EXOC1: variants seen among roughly 807,000 people sequenced by gnomAD.
The protein encoded by EXOC1 is SEC3-like 1.
EXOC1 carries 67 observed loss-of-function variants against 107.7 expected under a neutral mutation model. The observed-to-expected ratio is 0.62, with a 90% CI of 0.51 to 0.76. The LOEUF is 0.76. Among genes scored for constraint, EXOC1 ranks in the 30% least tolerant of loss-of-function variants. The pLI, the probability that EXOC1 is intolerant of heterozygous loss-of-function variation, is 0.00. For synonymous variants in EXOC1, 348 were observed against 353.5 expected, an observed-to-expected ratio of 0.98 and a Z score of 0.17; for missense variants, 833 against 1,055.7, an observed-to-expected ratio of 0.79 and a Z score of 2.92.
chr4:55,899,544 C>T (rs777855230), intron 16 of EXOC1, 141 bp from the exon 17 acceptor site: 5 of 663,632 alleles, frequency 7.5e-6, no homozygotes, highest in Non-Finnish European at 1.2e-5. Context: ...TGAAGACTCC[C>T]ATTACAATAT....
At position 55,870,628 on chromosome 4, in the gene EXOC1, TTTTGTTTG is replaced by T. The variant is rs34281712; in HGVS notation, c.604-26_604-19del. On this transcript the variant is annotated intron_variant, in intron 5 of 18. Transcript: ENST00000381295. ...TACACATCTAAATAACAAGTATGTTTTTTGTTTGTTTGTTTGTTTGTTTGTTTGTTTTG... is the reference window on the plus strand; with the variant it reads ...TACACATCTAAATAACAAGTATGTTTTTTGTTTGTTTGTTTGTTTGTTTTG... The T allele has an allele frequency of 2.4e-4, 311 of 1,318,362 alleles. 1 individual carries two copies. The highest frequency in any genetic ancestry group is 1.6e-3 in the East Asian group (67 of 42,634). The allele number at this position is 1,318,362 out of a possible 1,614,324, so 81.7% of individuals were successfully genotyped here.
Position 55,892,729 on chromosome 4 carries a change from T to C in EXOC1, c.1724+18T>C. On this transcript the variant is annotated intron_variant, in intron 14 of 18. Coordinates refer to ENST00000381295, the MANE Select transcript of EXOC1 (RefSeq NM_001024924.2). ...TCATCTGAGTATGTCTTTGTTACTATCATTGTTTATTTTGGAAAAAATAAA... is the reference window on the plus strand; with the variant it reads ...TCATCTGAGTATGTCTTTGTTACTACCATTGTTTATTTTGGAAAAAATAAA... The C allele has an allele frequency of 1.2e-6, 2 of 1,612,372 alleles. No homozygotes were observed. Among genetic ancestry groups the C allele is most frequent in the Non-Finnish European group, 8.5e-7 (1 of 1,178,488 alleles).
rs1726414963 is a variant in EXOC1 at position 55,904,691 on chromosome 4, A to G, written c.*196A>G. On this transcript the variant is annotated 3_prime_UTR_variant, in exon 19 of 19. Transcript: ENST00000381295. ...CCTATATAGCAGTTTTATTTGCCCT[A>G]TAGGTTGCATACTAACTTAAGCATT... 2 of 434,704 alleles carry G rather than the reference A, an allele frequency of 4.6e-6. No individual in the cohort carries two copies. The highest frequency in any genetic ancestry group is 2.0e-5 in the African/African-American group (1 of 49,134). The allele number at this position is 434,704 out of a possible 1,614,324, so 26.9% of individuals were successfully genotyped here.
intron 10 of EXOC1, among the ~76,000 whole-genome samples, chr4:55,886,213 A>G (rs1038025820): frequency 2.0e-5 from 3 of 152,138 alleles, no homozygotes; most frequent in African/African-American, 7.2e-5. Flanking sequence ...AGTGTGTTCA[A>G]TGCATTTTCT....
chr4:55,866,055 A>T lies in EXOC1; in HGVS notation c.415+1669A>T, dbSNP rs181471389. Among the ~76,000 whole-genome samples the T allele has an allele frequency of 1.3e-3, 197 of 152,260 alleles. 1 individual carries two copies. Among genetic ancestry groups the T allele is most frequent in the African/African-American group, 4.6e-3 (191 of 41,556 alleles). On this transcript the variant is annotated intron_variant, in intron 4 of 18. Coordinates refer to ENST00000381295, the MANE Select transcript of EXOC1 (RefSeq NM_001024924.2). ...TACAAACTTGTTTTATGGACCTTGA[A>T]ATTACAGCCTTTAATTCCCATTAAA...
chr4:55,871,181 C>T lies in EXOC1; in HGVS notation c.912C>T (p.Cys304=). Residue 304 remains cysteine (C), a synonymous_variant, in exon 7 of 19, where the codon TGC becomes TGT. Coordinates refer to ENST00000381295, the MANE Select transcript of EXOC1 (RefSeq NM_001024924.2). ...DLASSRGIEA[C]TNAADALLQC... The stretch of plus-strand genomic sequence containing the variant: ...CTTCTTCCAGAGGCATTGAGGCCTG[C>T]ACCAATGCTGCTGATGCCCTTCTGC... 6.2e-7 allele frequency: 1 copy of T among 1,613,914 alleles called. No individual in the cohort carries two copies. The highest frequency in any genetic ancestry group is 8.5e-7 in the Non-Finnish European group (1 of 1,179,888).
At chr4:55,854,779 C>T (rs977748187) in intron 1 of EXOC1, among the ~76,000 whole-genome samples, 1 of 152,098 alleles carries the variant, frequency 6.6e-6, no homozygotes, top group African/African-American at 2.4e-5. Context: ...AACGTTGGTC[C>T]CTATTATTCA....
chr4:55,876,097 T>C (rs1275699011), intron 8 of EXOC1: 1 of 984,876 alleles, frequency 1.0e-6, no homozygotes, highest in Non-Finnish European at 1.2e-6. Flanking sequence ...AAATAGATAA[T>C]AGTCCAATGG....
chr4:55,894,614 CTTTTT>C (rs772700227), intron 15 of EXOC1, among the ~76,000 whole-genome samples: 4 of 76,130 alleles, frequency 5.3e-5, no homozygotes, highest in Non-Finnish European at 6.9e-5. Context: ...CTATCTGTTA[CTTTTT>C]TTTTTTTTTT....
rs1022934366 is a variant in EXOC1, at chr4:55,871,747, C to T, written c.965-102C>T. The T allele has an allele frequency of 1.1e-5, 11 of 988,450 alleles. No individual in the cohort carries two copies. In the African/African-American group the frequency reaches 1.5e-4, roughly 13 times the overall value. The allele number at this position is 988,450 out of a possible 1,614,324, so 61.2% of individuals were successfully genotyped here. On this transcript the variant is annotated intron_variant, in intron 7 of 18. Coordinates refer to ENST00000381295, the MANE Select transcript of EXOC1 (RefSeq NM_001024924.2). ...CATGTAAATGAATACACCCATAAAA[C>T]TTTTGGGTTCTTCAAAACGTTAGAT... is the stretch of plus-strand genomic sequence containing the variant.
At chr4:55,886,575 C>CAAAAAAAAAAAAAAA (rs71832369) in intron 10 of EXOC1, among the ~76,000 whole-genome samples, 2 of 96,222 alleles carry the variant, frequency 2.1e-5, no homozygotes, top group African/African-American at 3.9e-5. Flanking sequence ...AACAAAAAAA[C>CAAAAAAAAAAAAAAA]AAAAAAAAAA....
chr4:55,875,560 C>A, intron 8 of EXOC1: 1 of 983,652 alleles, frequency 1.0e-6, no homozygotes, highest in Non-Finnish European at 1.2e-6. Context: ...AGCTGGGTTA[C>A]CTTGAACAAG....
At chr4:55,878,476 G>A (rs1268666061) in intron 9 of EXOC1, among the ~76,000 whole-genome samples, 3 of 152,004 alleles carry the variant, frequency 2.0e-5, no homozygotes, top group Non-Finnish European at 4.4e-5. Flanking sequence ...AGGCACCTGG[G>A]GCCTACCTAA....
intron 10 of EXOC1, among the ~76,000 whole-genome samples, chr4:55,884,331 A>G (rs1723676889): frequency 6.6e-6 from 1 of 152,168 alleles, no homozygotes; most frequent in Non-Finnish European, 1.5e-5. Flanking sequence ...CTCTTAAGTC[A>G]TTGCTCTCCA....
At chr4:55,858,734 T>G (rs1721213217) in intron 2 of EXOC1, among the ~76,000 whole-genome samples, 1 of 152,220 alleles carries the variant, frequency 6.6e-6, no homozygotes, top group Non-Finnish European at 1.5e-5. Context: ...GAAATTTACC[T>G]GTTTAAGCCT....
At chr4:55,879,207 C>T (rs887476006) in intron 9 of EXOC1, among the ~76,000 whole-genome samples, 9 of 152,200 alleles carry the variant, frequency 5.9e-5, no homozygotes, top group East Asian at 1.9e-4. Flanking sequence ...CAGGCAAATA[C>T]TTGCCTTCTC....
At chr4:55,856,176 G>A (rs570889301) in intron 1 of EXOC1, among the ~76,000 whole-genome samples, 7 of 152,374 alleles carry the variant, frequency 4.6e-5, no homozygotes, top group South Asian at 2.1e-4. Flanking sequence ...CGCAATGAGC[G>A]TGGATATGTG....
chr4:55,887,044 A>G (rs987350530), intron 10 of EXOC1, among the ~76,000 whole-genome samples: 6 of 152,194 alleles, frequency 3.9e-5, no homozygotes, highest in African/African-American at 1.4e-4. Flanking sequence ...ATTTTTTCCC[A>G]CAGGATTGAT....
intron 1 of EXOC1, among the ~76,000 whole-genome samples, chr4:55,854,223 C>T (rs2110296410): frequency 8.5e-6 from 1 of 117,326 alleles, no homozygotes; most frequent in Non-Finnish European, 1.6e-5. Flanking sequence ...AAGTGTATTT[C>T]TCTATTTCCT....
Sources: gnomAD v4.1 joint callset for allele counts (sites outside exome capture counted in the v4.1 genomes callset) on GRCh38, gnomAD v4.1.1 for gene constraint, MANE v1.5 for transcripts, NCBI Gene and HGNC (gene_info 2026-07-23, HGNC 2026-07-21) for gene names.